HNRNPA0: variants seen among roughly 807,000 people sequenced by gnomAD.
HNRNPA0 encodes the protein heterogeneous nuclear ribonucleoprotein A0.
For synonymous variants in HNRNPA0, 243 were observed against 195.5 expected (o/e 1.24, Z -2.03); for missense variants, 252 against 433.7 (o/e 0.58, Z 3.72).
In HNRNPA0 at chr5:137,752,413, A is replaced by G. The variant is rs1250122869; in HGVS notation, c.*736T>C. On this transcript the variant is annotated 3_prime_UTR_variant, in exon 1 of 1. Transcript: ENST00000314940. ...GAAACTTAAGAGTTTAAAAAGCCAC[A>G]TCCACCACTTCAAAAGTTTTGCCTG... The G allele has an allele frequency of 6.6e-6, 1 of 152,216 alleles. No individual in the cohort carries two copies. The highest frequency in any genetic ancestry group is 1.5e-5 in the Non-Finnish European group (1 of 68,030). 9.4% of individuals were successfully genotyped at this position (152,216 alleles called of 1,614,324 possible). A position where few individuals can be genotyped will look rare whatever the true frequency, so the allele number is the denominator to read the frequency against.
rs779816337 is a variant in HNRNPA0, at chr5:137,753,722, G to A, written c.345C>T (p.Ile115=). 2 of 1,613,244 alleles carry A rather than the reference G, an allele frequency of 1.2e-6. No homozygotes were observed. The highest frequency in any genetic ancestry group is 1.7e-6 in the Non-Finnish European group (2 of 1,180,040). The change falls in exon 1 of 1, where the codon ATC becomes ATT. Residue 115 remains isoleucine, a synonymous_variant. Transcript: ENST00000314940. The surrounding 1 kb of genome is among the most constrained non-coding windows in gnomAD (Gnocchi z 6.1). ...LKGDVAEGDL[I]EHFSQFGTVE... ...CGGTGCCAAACTGCGAGAAGTGCTC[G>A]ATCAGGTCGCCCTCAGCCACGTCTC...
At position 137,751,792 on chromosome 5, in the gene HNRNPA0, C is replaced by T. The variant is rs1460794465; in HGVS notation, c.*1357G>A. On this transcript the variant is annotated 3_prime_UTR_variant, in exon 1 of 1. Transcript: ENST00000314940. The stretch of plus-strand genomic sequence containing the variant: ...GCACCTAAAATACCAGTATACGTAG[C>T]TGGTTCATTAGTTGTCATAGCAATT... The T allele has an allele frequency of 6.6e-6, 1 of 152,622 alleles. No homozygotes were observed. Among genetic ancestry groups the T allele is most frequent in the Non-Finnish European group, 1.5e-5 (1 of 68,028 alleles). 9.5% of individuals were successfully genotyped at this position (152,622 alleles called of 1,614,324 possible).
rs1200507458 is a variant in HNRNPA0 at position 137,747,749 on chromosome 5, A to G, written c.*5400T>C. The G allele has an allele frequency of 2.0e-5, 3 of 152,166 alleles. No individual in the cohort carries two copies. The highest frequency in any genetic ancestry group is 7.2e-5 in the African/African-American group (3 of 41,444). The allele number at this position is 152,166 out of a possible 1,614,324, so 9.4% of individuals were successfully genotyped here. ...TTTGTGAATTAGTTTCACTACCATTATTGTTGCTCAAAAACCTTTAATGAC... is the reference window on the plus strand; with the variant it reads ...TTTGTGAATTAGTTTCACTACCATTGTTGTTGCTCAAAAACCTTTAATGAC... On this transcript the variant is annotated 3_prime_UTR_variant, in exon 1 of 1. Transcript: ENST00000314940.
In HNRNPA0 at chr5:137,749,155, T is replaced by C. The variant is rs527809651; in HGVS notation, c.*3994A>G. On this transcript the variant is annotated 3_prime_UTR_variant, in exon 1 of 1. Coordinates refer to ENST00000314940, the MANE Select transcript of HNRNPA0 (RefSeq NM_006805.4). Reference sequence around the variant, plus strand: ...CTGGGAAATAAGCACACTGTTTAAATGGCAAAAGTTTACACTTGAGAACTT... The same window carrying C: ...CTGGGAAATAAGCACACTGTTTAAACGGCAAAAGTTTACACTTGAGAACTT... The C allele has an allele frequency of 9.2e-5, 14 of 152,318 alleles. No individual in the cohort carries two copies. In the South Asian group the frequency reaches 2.7e-3, roughly 29 times the overall value. The allele number at this position is 152,318 out of a possible 1,614,324, so 9.4% of individuals were successfully genotyped here. A position where few individuals can be genotyped will look rare whatever the true frequency, so the allele number is the denominator to read the frequency against.
rs1753561667 is a variant in HNRNPA0 at position 137,754,235 on chromosome 5, A to G, written c.-169T>C. The G allele has an allele frequency of 8.5e-6, 7 of 824,418 alleles. No individual in the cohort carries two copies. Among genetic ancestry groups the G allele is most frequent in the South Asian group, 2.1e-5 (1 of 48,038 alleles). 51.1% of individuals were successfully genotyped at this position (824,418 alleles called of 1,614,324 possible). A position where few individuals can be genotyped will look rare whatever the true frequency, so the allele number is the denominator to read the frequency against. On this transcript the variant is annotated 5_prime_UTR_variant, in exon 1 of 1. Transcript: ENST00000314940. ...AGGGAAGGGGAGGGAAGGAAGGAAG[A>G]GAGGAAGGGGGAGGGAAGGGGAGCG...
Position 137,752,937 on chromosome 5 carries a change from TG to T in HNRNPA0, c.*211del. 1.9e-6 allele frequency: 1 copy of T among 520,056 alleles called. No homozygotes were observed. Among genetic ancestry groups the T allele is most frequent in the Non-Finnish European group, 3.4e-6 (1 of 295,594 alleles). The allele number at this position is 520,056 out of a possible 1,614,324, so 32.2% of individuals were successfully genotyped here. On this transcript the variant is annotated 3_prime_UTR_variant, in exon 1 of 1. Coordinates refer to ENST00000314940, the MANE Select transcript of HNRNPA0 (RefSeq NM_006805.4). ...TGACTGTAACACAAAAATGTGTATG[TG>T]GGGCCGAGTCCATCTTCAGAGGGAG...
chr5:137,750,956 T>C lies in HNRNPA0; in HGVS notation c.*2193A>G, dbSNP rs181505430. On this transcript the variant is annotated 3_prime_UTR_variant, in exon 1 of 1. Transcript: ENST00000314940. ...ACTGAGTAAGTCAAGCAGAGTAGTATTTAACAATTACAACGAAAAATTTCA... is the reference window on the plus strand; with the variant it reads ...ACTGAGTAAGTCAAGCAGAGTAGTACTTAACAATTACAACGAAAAATTTCA... 3.3e-5 allele frequency: 5 copies of C among 152,190 alleles called. No homozygotes were observed. Among genetic ancestry groups the C allele is most frequent in the Admixed American group, 3.3e-4 (5 of 15,280 alleles). 9.4% of individuals were successfully genotyped at this position (152,190 alleles called of 1,614,324 possible).
Position 137,754,256 on chromosome 5 carries a change from G to A in HNRNPA0, c.-190C>T. 2 of 787,134 alleles carry A rather than the reference G, an allele frequency of 2.5e-6. No homozygotes were observed. Among genetic ancestry groups the A allele is most frequent in the Middle Eastern group, 3.2e-4 (1 of 3,108 alleles). 48.8% of individuals were successfully genotyped at this position (787,134 alleles called of 1,614,324 possible). ...GAAGAGAGGAAGGGGGAGGGAAGGG[G>A]AGCGGTGCCGGCTAAAGGGCGAGCC... On this transcript the variant is annotated 5_prime_UTR_variant, in exon 1 of 1. Coordinates refer to ENST00000314940, the MANE Select transcript of HNRNPA0 (RefSeq NM_006805.4).
At position 137,754,194 on chromosome 5, in the gene HNRNPA0, G is replaced by A. The variant is rs914758822; in HGVS notation, c.-128C>T. On this transcript the variant is annotated 5_prime_UTR_variant, in exon 1 of 1. Coordinates refer to ENST00000314940, the MANE Select transcript of HNRNPA0 (RefSeq NM_006805.4). ...GCTGGAGCCACCCCCGCCGCTCACC[G>A]ACGGGGAAGGGAAAAAGGGAAGGGG... The A allele has an allele frequency of 4.0e-6, 5 of 1,264,492 alleles. No individual in the cohort carries two copies. Among genetic ancestry groups the A allele is most frequent in the South Asian group, 3.3e-5 (2 of 61,154 alleles). The allele number at this position is 1,264,492 out of a possible 1,614,324, so 78.3% of individuals were successfully genotyped here. A position where few individuals can be genotyped will look rare whatever the true frequency, so the allele number is the denominator to read the frequency against.
In HNRNPA0 at chr5:137,750,861, G is replaced by C. The variant is rs1198506518; in HGVS notation, c.*2288C>G. 1 of 152,066 alleles carries C rather than the reference G, an allele frequency of 6.6e-6. No homozygotes were observed. Among genetic ancestry groups the C allele is most frequent in the African/African-American group, 2.4e-5 (1 of 41,396 alleles). The allele number at this position is 152,066 out of a possible 1,614,324, so 9.4% of individuals were successfully genotyped here. On this transcript the variant is annotated 3_prime_UTR_variant, in exon 1 of 1. Coordinates refer to ENST00000314940, the MANE Select transcript of HNRNPA0 (RefSeq NM_006805.4). The stretch of plus-strand genomic sequence containing the variant: ...TATATTCCCATGTTGGGAATAATAT[G>C]ACAACCTTATTAAACTGAAAACCCT...
rs1753468363 is a variant in HNRNPA0 at position 137,749,826 on chromosome 5, A to T, written c.*3323T>A. 1.3e-5 allele frequency: 2 copies of T among 152,200 alleles called. No homozygotes were observed. Among genetic ancestry groups the T allele is most frequent in the African/African-American group, 4.8e-5 (2 of 41,466 alleles). 9.4% of individuals were successfully genotyped at this position (152,200 alleles called of 1,614,324 possible). A position where few individuals can be genotyped will look rare whatever the true frequency, so the allele number is the denominator to read the frequency against. On this transcript the variant is annotated 3_prime_UTR_variant, in exon 1 of 1. Transcript: ENST00000314940. ...CAAAACTTAAGCACACTTAAAAGGT[A>T]AACTAAGTTTACAAATCCAATAACT...
In HNRNPA0 at chr5:137,751,883, G is replaced by A. The variant is rs1463131322; in HGVS notation, c.*1266C>T. 6.5e-6 allele frequency: 1 copy of A among 152,682 alleles called. No homozygotes were observed. The highest frequency in any genetic ancestry group is 1.5e-5 in the Non-Finnish European group (1 of 68,040). 9.5% of individuals were successfully genotyped at this position (152,682 alleles called of 1,614,324 possible). A position where few individuals can be genotyped will look rare whatever the true frequency, so the allele number is the denominator to read the frequency against. On this transcript the variant is annotated 3_prime_UTR_variant, in exon 1 of 1. Coordinates refer to ENST00000314940, the MANE Select transcript of HNRNPA0 (RefSeq NM_006805.4). Reference sequence around the variant, plus strand: ...CAAACCTCATATAGAAAGGGCTATTGTGATATGAACTGGCAACTACATTCC... The same window carrying A: ...CAAACCTCATATAGAAAGGGCTATTATGATATGAACTGGCAACTACATTCC...
chr5:137,746,145 T>C lies in HNRNPA0; in HGVS notation c.*7004A>G, dbSNP rs114770022. 6 of 152,342 alleles carry C rather than the reference T, an allele frequency of 3.9e-5. No homozygotes were observed. The highest frequency in any genetic ancestry group is 1.3e-4 in the Admixed American group (2 of 15,304). 9.4% of individuals were successfully genotyped at this position (152,342 alleles called of 1,614,324 possible). A position where few individuals can be genotyped will look rare whatever the true frequency, so the allele number is the denominator to read the frequency against. On this transcript the variant is annotated 3_prime_UTR_variant, in exon 1 of 1. Transcript: ENST00000314940. ...AAAGCAGCATCTCTCAACATATATA[T>C]GTAGATACCTATGGTAGAGTTGAAA...
Position 137,753,048 on chromosome 5 carries a change from A to C in HNRNPA0, c.*101T>G. ...TGGCTCCCCCAAGGGCAAAACAGGG[A>C]AGGCGGTGTGTGTGAGGGGGTGGGG... On this transcript the variant is annotated 3_prime_UTR_variant, in exon 1 of 1. Transcript: ENST00000314940. This position sits in a 1 kb window ranked among gnomAD's most constrained non-coding sequence, Gnocchi z 6.1. 1 of 1,309,576 alleles carries C rather than the reference A, an allele frequency of 7.6e-7. No homozygotes were observed. Among genetic ancestry groups the C allele is most frequent in the Non-Finnish European group, 1.0e-6 (1 of 953,288 alleles). The allele number at this position is 1,309,576 out of a possible 1,614,324, so 81.1% of individuals were successfully genotyped here. A position where few individuals can be genotyped will look rare whatever the true frequency, so the allele number is the denominator to read the frequency against.
chr5:137,753,606 T>C lies in HNRNPA0; in HGVS notation c.461A>G (p.Lys154Arg). 1.9e-6 allele frequency: 3 copies of C among 1,614,146 alleles called. No homozygotes were observed. ...VYFQNHDAAD[K>R]AAVVKFHPIQ... ...CGGATGGAACTTGACCACCGCGGCC[T>C]TGTCTGCCGCGTCGTGATTCTGGAA... The change falls in exon 1 of 1, where the codon AAG becomes AGG. Residue 154 changes from lysine to arginine, a missense_variant. Physicochemically the swap from Lys to Arg is conservative, Grantham distance 26 (BLOSUM62 2). Transcript: ENST00000314940. This position sits in a 1 kb window ranked among gnomAD's most constrained non-coding sequence, Gnocchi z 6.1.
Position 137,746,379 on chromosome 5 carries a change from C to A in HNRNPA0, c.*6770G>T, listed in dbSNP as rs1032284610. 3 of 152,160 alleles carry A rather than the reference C, an allele frequency of 2.0e-5. No homozygotes were observed. The highest frequency in any genetic ancestry group is 4.8e-5 in the African/African-American group (2 of 41,412). The allele number at this position is 152,160 out of a possible 1,614,324, so 9.4% of individuals were successfully genotyped here. On this transcript the variant is annotated 3_prime_UTR_variant, in exon 1 of 1. Coordinates refer to ENST00000314940, the MANE Select transcript of HNRNPA0 (RefSeq NM_006805.4). The stretch of plus-strand genomic sequence containing the variant: ...AAATCCTTACAACAACCTACAAATC[C>A]CTACATGATCTGGCCCCTCTGGCCT...
In HNRNPA0 at chr5:137,745,681, T is replaced by G. The variant is rs1401891777; in HGVS notation, c.*7468A>C. 2 of 152,202 alleles carry G rather than the reference T, an allele frequency of 1.3e-5. No individual in the cohort carries two copies. The highest frequency in any genetic ancestry group is 3.8e-4 in the East Asian group (2 of 5,200). 9.4% of individuals were successfully genotyped at this position (152,202 alleles called of 1,614,324 possible). The stretch of plus-strand genomic sequence containing the variant: ...TACTCATGGCTAAAGTTTATTACAG[T>G]GACACAGTAAGTGTACACAGTTGGA... On this transcript the variant is annotated 3_prime_UTR_variant, in exon 1 of 1. Coordinates refer to ENST00000314940, the MANE Select transcript of HNRNPA0 (RefSeq NM_006805.4).
Position 137,753,057 on chromosome 5 carries a change from T to G in HNRNPA0, c.*92A>C. On this transcript the variant is annotated 3_prime_UTR_variant, in exon 1 of 1. Transcript: ENST00000314940. The surrounding 1 kb of genome is among the most constrained non-coding windows in gnomAD (Gnocchi z 6.1). ...CAAGGGCAAAACAGGGAAGGCGGTG[T>G]GTGTGAGGGGGTGGGGCTTAGGAGT... 1 of 1,348,188 alleles carries G rather than the reference T, an allele frequency of 7.4e-7. No individual in the cohort carries two copies. 83.5% of individuals were successfully genotyped at this position (1,348,188 alleles called of 1,614,324 possible).
chr5:137,754,141 G>T lies in HNRNPA0; in HGVS notation c.-75C>A, dbSNP rs1053123278. The T allele has an allele frequency of 9.3e-6, 14 of 1,498,980 alleles. No individual in the cohort carries two copies. The highest frequency in any genetic ancestry group is 4.2e-5 in the African/African-American group (3 of 70,910). The allele number at this position is 1,498,980 out of a possible 1,614,324, so 92.9% of individuals were successfully genotyped here. On this transcript the variant is annotated 5_prime_UTR_variant, in exon 1 of 1. Transcript: ENST00000314940. ...GTCGCCGCCGTTATCGTTGGTTAAG[G>T]CCTCTACACAGCTTGGGCCCAGCCG...
Sources: gnomAD v4.1 joint callset for allele counts on GRCh38, gnomAD v4.1.1 for gene constraint, Gnocchi (gnomAD v3.1) non-coding constraint, MANE v1.5 for transcripts, NCBI Gene and HGNC (gene_info 2026-07-23, HGNC 2026-07-21) for gene names.